The following SLC25A21 variants were observed in gnomAD, a reference collection of about 807,000 sequenced individuals.
SLC25A21 encodes solute carrier family 25 member 21, also known as mitochondrial 2-oxodicarboxylate carrier.
SLC25A21 carries 47 observed loss-of-function variants against 43.8 expected under a neutral mutation model. That is an observed-to-expected ratio of 1.07 (90% CI 0.85 to 1.37). SLC25A21 has a LOEUF of 1.37. SLC25A21 is among the 40% of genes most tolerant of loss of function. The pLI is 0.00. For missense variants in SLC25A21, 352 were observed against 350.2 expected, an observed-to-expected ratio of 1.00 and a Z score of -0.04; for synonymous variants, 131 against 121.3, an observed-to-expected ratio of 1.08 and a Z score of -0.52.
intron 2 of SLC25A21, among the ~76,000 whole-genome samples, chr14:36,837,626 C>A (rs1019405274): frequency 2.6e-5 from 4 of 152,084 alleles, no homozygotes; most frequent in Non-Finnish European, 5.9e-5. Context: ...GCTTGGCGAG[C>A]AATGGCTACA....
intron 1 of SLC25A21, among the ~76,000 whole-genome samples, chr14:37,141,300 T>G (rs998118360): frequency 6.6e-6 from 1 of 152,164 alleles, no homozygotes; most frequent in Non-Finnish European, 1.5e-5. Flanking sequence ...CCATAATGAC[T>G]AGCTAAAGAT....
At chr14:36,778,684 T>C (rs115464575) in intron 3 of SLC25A21, among the ~76,000 whole-genome samples, 3,022 of 152,318 alleles carry the variant, frequency 0.02, 82 homozygotes, top group African/African-American at 0.068. Context: ...CCCAGCTTTA[T>C]TGAAGTATGA....
chr14:36,935,571 C>T (rs1892401808), intron 1 of SLC25A21, among the ~76,000 whole-genome samples: 1 of 152,166 alleles, frequency 6.6e-6, no homozygotes, highest in African/African-American at 2.4e-5. Context: ...CACATGATCT[C>T]CTGATTGGCA....
At chr14:36,827,988 C>T (rs1888896534) in intron 2 of SLC25A21, among the ~76,000 whole-genome samples, 1 of 152,168 alleles carries the variant, frequency 6.6e-6, no homozygotes, top group Non-Finnish European at 1.5e-5. Flanking sequence ...AACACCTTAT[C>T]CTAAATGAGT....
intron 1 of SLC25A21, among the ~76,000 whole-genome samples, chr14:37,171,692 C>T (rs1475212107): frequency 6.6e-6 from 1 of 151,918 alleles, no homozygotes; most frequent in African/African-American, 2.4e-5. Flanking sequence ...TTATTTTTTC[C>T]CCACAGCATA....
chr14:36,946,432 T>C (rs538599844), intron 1 of SLC25A21, among the ~76,000 whole-genome samples: 15 of 152,272 alleles, frequency 9.9e-5, no homozygotes, highest in African/African-American at 3.6e-4. Flanking sequence ...TTATATTTGA[T>C]TGACTATTAA....
chr14:36,832,086 G>A (rs1889059373), intron 2 of SLC25A21, among the ~76,000 whole-genome samples: 1 of 151,990 alleles, frequency 6.6e-6, no homozygotes, highest in African/African-American at 2.4e-5. Flanking sequence ...TAGTCTTAAA[G>A]AAAACCAAAT....
intron 1 of SLC25A21, among the ~76,000 whole-genome samples, chr14:37,147,634 G>GTT (rs3061860): frequency 0.66 from 82,623 of 125,316 alleles, 26,067 homozygotes; most frequent in Non-Finnish European, 0.75. Context: ...CTTATTTCAG[G>GTT]TTTTTTTTTT....
chr14:36,789,937 T>A (rs886517602), intron 3 of SLC25A21, among the ~76,000 whole-genome samples: 4 of 127,102 alleles, frequency 3.1e-5, no homozygotes, highest in Admixed American at 2.9e-4. Flanking sequence ...ATATTATATA[T>A]AAATATATAA....
chr14:37,118,372 C>A (rs1475634020), intron 1 of SLC25A21, among the ~76,000 whole-genome samples: 4 of 146,826 alleles, frequency 2.7e-5, no homozygotes, highest in Non-Finnish European at 4.5e-5. Flanking sequence ...CAATCAGCAG[C>A]TCCCATTCCC....
chr14:36,792,100 T>G (rs943355231), intron 3 of SLC25A21, among the ~76,000 whole-genome samples: 1 of 152,194 alleles, frequency 6.6e-6, no homozygotes, highest in South Asian at 2.1e-4. Flanking sequence ...AAATGCTCTC[T>G]TTTTTATAAA....
chr14:36,770,734 T>C (rs1454151795), intron 3 of SLC25A21, among the ~76,000 whole-genome samples: 1 of 152,206 alleles, frequency 6.6e-6, no homozygotes, highest in Non-Finnish European at 1.5e-5. Context: ...CTTATGTCTT[T>C]CTTACTTAGG....
intron 1 of SLC25A21, among the ~76,000 whole-genome samples, chr14:36,962,430 A>G (rs766550804): frequency 7.9e-5 from 12 of 152,040 alleles, no homozygotes; most frequent in Non-Finnish European, 1.6e-4. Flanking sequence ...TTCATCCTAC[A>G]TATCTGCTGT....
intron 3 of SLC25A21, among the ~76,000 whole-genome samples, chr14:36,780,403 T>A (rs1186947637): frequency 6.6e-6 from 1 of 152,068 alleles, no homozygotes. Context: ...CTTTTTCTAG[T>A]TCCATGAGAC....
intron 1 of SLC25A21, among the ~76,000 whole-genome samples, chr14:37,162,614 G>A (rs7153106): frequency 6.6e-6 from 1 of 151,900 alleles, no homozygotes; most frequent in South Asian, 2.1e-4. Flanking sequence ...CCAGTTAGAA[G>A]GGCAATCATT....
chr14:37,074,154 A>C (rs1962230342), intron 1 of SLC25A21, among the ~76,000 whole-genome samples: 1 of 152,148 alleles, frequency 6.6e-6, no homozygotes, highest in African/African-American at 2.4e-5. Flanking sequence ...TAAATGAACA[A>C]GTATCTTCAA....
At chr14:36,938,915 T>C (rs553632469) in intron 1 of SLC25A21, among the ~76,000 whole-genome samples, 2 of 152,296 alleles carry the variant, frequency 1.3e-5, no homozygotes, top group East Asian at 1.9e-4. Flanking sequence ...CTCTAATATA[T>C]TCAGATTTAA....
chr14:36,865,230 C>A (rs1463637368), intron 2 of SLC25A21, among the ~76,000 whole-genome samples: 2 of 151,942 alleles, frequency 1.3e-5, no homozygotes, highest in Non-Finnish European at 2.9e-5. Flanking sequence ...CTGCTGGGCT[C>A]CCCACAAAGC....
At chr14:36,774,111 C>T (rs955062610) in intron 3 of SLC25A21, among the ~76,000 whole-genome samples, 12 of 152,222 alleles carry the variant, frequency 7.9e-5, no homozygotes, top group African/African-American at 2.7e-4. Context: ...CCCAATAGCA[C>T]GTCCCCTTTT....
Sources: gnomAD v4.1 joint callset for allele counts (sites outside exome capture counted in the v4.1 genomes callset) on GRCh38, gnomAD v4.1.1 for gene constraint, MANE v1.5 for transcripts, NCBI Gene and HGNC (gene_info 2026-07-23, HGNC 2026-07-21) for gene names.